Variants in MEGF10 observed in about 807,000 individuals in gnomAD.
MEGF10 encodes multiple EGF like domains 10.
MEGF10 carries 86 observed loss-of-function variants against 147.5 expected under a neutral mutation model. The ratio of observed to expected loss-of-function variants is 0.58; its 90% CI spans 0.49 to 0.70. The LOEUF is 0.70. Ranked by LOEUF, MEGF10 falls within the 30% of genes least tolerant of loss-of-function variation. The pLI is 0.00. For synonymous variants in MEGF10, 478 were observed against 525.5 expected (o/e 0.91, Z 1.24); for missense variants, 1,329 against 1,487.3 (o/e 0.89, Z 1.75).
chr5:127,413,394 T>C (rs1764645320), intron 9 of MEGF10, among the ~76,000 whole-genome samples: 1 of 152,172 alleles, frequency 6.6e-6, no homozygotes, highest in African/African-American at 2.4e-5. Flanking sequence ...AATCCGGATG[T>C]GCCTATTTGC....
At chr5:127,247,995 G>T in the MEGF10 span, among the ~76,000 whole-genome samples, 1 of 152,108 alleles carries the variant, frequency 6.6e-6, no homozygotes, top group Non-Finnish European at 1.5e-5. Context: ...AGTAGAAGCT[G>T]CAAAGGAGCT....
chr5:127,422,735 T>A lies in MEGF10; in HGVS notation c.1656T>A (p.Pro552=), dbSNP rs1765063225. The part of the protein sequence containing the change: ...CDCSHADGCH[P]TTGHCRCLPG... ...GCAGCCACGCAGATGGCTGCCACCC[T>A]ACCACGGGCCATTGCCGCTGCCTCC... The change falls in exon 13 of 25, where the codon CCT becomes CCA. Residue 552 remains proline (P), a synonymous_variant. Transcript: ENST00000503335. 1 of 1,613,930 alleles carries A rather than the reference T, an allele frequency of 6.2e-7. No individual in the cohort carries two copies. The highest frequency in any genetic ancestry group is 1.3e-5 in the African/African-American group (1 of 74,886).
chr5:127,415,876 G>A lies in MEGF10; in HGVS notation c.1131-1762G>A, dbSNP rs554896712. ...CGTGCCACTGCACTCCAGCCTGGGCGACAGAGAAAGACTCCATCTCAAAAA... is the reference window on the plus strand; with the variant it reads ...CGTGCCACTGCACTCCAGCCTGGGCAACAGAGAAAGACTCCATCTCAAAAA... On this transcript the variant is annotated intron_variant, in intron 9 of 24. Coordinates refer to ENST00000503335, the MANE Select transcript of MEGF10 (RefSeq NM_001256545.2). 2.5e-3 allele frequency among the ~76,000 whole-genome samples: 311 copies of A among 123,492 alleles called. 4 individuals are homozygous for A. Among genetic ancestry groups the A allele is most frequent in the African/African-American group, 8.9e-3 (294 of 33,130 alleles). The allele number at this position is 123,492 out of a possible 152,430, so 81.0% of individuals were successfully genotyped here.
At chr5:127,387,164 G>T (rs977397284) in intron 5 of MEGF10, among the ~76,000 whole-genome samples, 2 of 152,188 alleles carry the variant, frequency 1.3e-5, no homozygotes, top group Non-Finnish European at 2.9e-5. Flanking sequence ...GTTGGTTGCT[G>T]ATAGAGTCCT....
Position 127,422,696 on chromosome 5 carries a change from T to C in MEGF10, c.1617T>C (p.Ala539=), listed in dbSNP as rs746266240. ...CQDGTYGLNC[A]ERCDCSHADG... Reference sequence around the variant, plus strand: ...ATGGCACGTACGGGCTGAACTGTGCTGAGCGCTGCGACTGCAGCCACGCAG... The same window carrying C: ...ATGGCACGTACGGGCTGAACTGTGCCGAGCGCTGCGACTGCAGCCACGCAG... The change falls in exon 13 of 25, where the codon GCT becomes GCC. Residue 539 remains alanine, a synonymous_variant. Coordinates refer to ENST00000503335, the MANE Select transcript of MEGF10 (RefSeq NM_001256545.2). The C allele has an allele frequency of 6.2e-7, 1 of 1,614,104 alleles. No individual in the cohort carries two copies. The highest frequency in any genetic ancestry group is 8.5e-7 in the Non-Finnish European group (1 of 1,179,996).
At chr5:127,238,862 C>CACA in the MEGF10 span, among the ~76,000 whole-genome samples, 1,380 of 152,104 alleles carry the variant, frequency 9.1e-3, 30 homozygotes, top group African/African-American at 0.032. Flanking sequence ...TTTTGCAGTC[C>CACA]TTGTCTGGTT....
intron 5 of MEGF10, among the ~76,000 whole-genome samples, chr5:127,385,912 C>T (rs1392221485): frequency 6.6e-6 from 1 of 152,182 alleles, no homozygotes; most frequent in Non-Finnish European, 1.5e-5. Flanking sequence ...CAAGACCAGC[C>T]TGGGCATCGT....
chr5:127,304,925 A>G (rs926087548), intron 1 of MEGF10, among the ~76,000 whole-genome samples: 13 of 152,214 alleles, frequency 8.5e-5, no homozygotes, highest in African/African-American at 3.1e-4. Flanking sequence ...CTCCAGAACC[A>G]TAAGAAATAA....
At chr5:127,419,791 T>G (rs1317967010) in intron 11 of MEGF10, among the ~76,000 whole-genome samples, 1 of 152,234 alleles carries the variant, frequency 6.6e-6, no homozygotes, top group Non-Finnish European at 1.5e-5. Context: ...ATATCTCTTT[T>G]TCAGTAGCCC....
chr5:127,426,044 G>T (rs1392069629), intron 13 of MEGF10, among the ~76,000 whole-genome samples: 4 of 152,218 alleles, frequency 2.6e-5, no homozygotes, highest in African/African-American at 9.6e-5. Context: ...GACACTGTGG[G>T]GAGAGGCTGA....
chr5:127,427,244 C>T (rs1234886395), intron 13 of MEGF10, among the ~76,000 whole-genome samples: 1 of 152,108 alleles, frequency 6.6e-6, no homozygotes, highest in African/African-American at 2.4e-5. Flanking sequence ...TCATATTACT[C>T]TAGTTATTGA....
At chr5:127,362,506 G>A (rs1456763582) in intron 4 of MEGF10, among the ~76,000 whole-genome samples, 1 of 151,874 alleles carries the variant, frequency 6.6e-6, no homozygotes, top group Admixed American at 6.6e-5. Flanking sequence ...TGGGACTACA[G>A]GCGCCTGCCA....
the MEGF10 span, among the ~76,000 whole-genome samples, chr5:127,247,989 G>A: frequency 6.6e-6 from 1 of 152,108 alleles, no homozygotes; most frequent in African/African-American, 2.4e-5. Context: ...CTGAAAAGTA[G>A]AAGCTGCAAA....
At chr5:127,415,557 A>G (rs1318460303) in intron 9 of MEGF10, among the ~76,000 whole-genome samples, 1 of 152,164 alleles carries the variant, frequency 6.6e-6, no homozygotes, top group Admixed American at 6.6e-5. Context: ...TTCAAAATAT[A>G]TTTTGGAGTT....
At chr5:127,256,899 G>T in the MEGF10 span, among the ~76,000 whole-genome samples, 1 of 152,142 alleles carries the variant, frequency 6.6e-6, no homozygotes, top group African/African-American at 2.4e-5. Context: ...GCCCTGGGGA[G>T]AATCACAGGA....
At chr5:127,449,688 T>C (rs1474242483) in intron 22 of MEGF10, among the ~76,000 whole-genome samples, 1 of 152,166 alleles carries the variant, frequency 6.6e-6, no homozygotes, top group Non-Finnish European at 1.5e-5. Flanking sequence ...TTGTTCTCTT[T>C]TGATATAGGG....
At chr5:127,321,092 T>C (rs1035710820) in intron 1 of MEGF10, among the ~76,000 whole-genome samples, 1 of 152,208 alleles carries the variant, frequency 6.6e-6, no homozygotes, top group Non-Finnish European at 1.5e-5. Context: ...TGAGACTGTT[T>C]TACCTGATGG....
At chr5:127,422,376 C>A (rs974792096) in intron 12 of MEGF10, among the ~76,000 whole-genome samples, 1 of 151,868 alleles carries the variant, frequency 6.6e-6, no homozygotes, top group Admixed American at 6.6e-5. Flanking sequence ...CAAAAATTAG[C>A]CTGGCAAGGT....
In MEGF10 at chr5:127,447,666, C is replaced by A. The variant is rs1028478763; in HGVS notation, c.2838C>A (p.Asp946Glu). Residue 946 changes from aspartate (D) to glutamate (E), a missense_variant, in exon 21 of 25, where the codon GAC becomes GAA. Physicochemically the swap from Asp to Glu is conservative, Grantham distance 45 (BLOSUM62 2). Transcript: ENST00000503335. ...CATCCCCTCACGTCAACAACAGGGA[C>A]AGGATGACTGTCACGAAGGTGAGAG... ...CATSPHVNNRDRMTVTKSKNN... is the reference protein window; with the variant it reads ...CATSPHVNNRERMTVTKSKNN... 1.9e-5 allele frequency: 30 copies of A among 1,613,978 alleles called. No homozygotes were observed. The highest frequency in any genetic ancestry group is 2.4e-5 in the Non-Finnish European group (28 of 1,179,994).
Sources: gnomAD v4.1 joint callset for allele counts (sites outside exome capture counted in the v4.1 genomes callset) on GRCh38, gnomAD v4.1.1 for gene constraint, MANE v1.5 for transcripts, NCBI Gene and HGNC (gene_info 2026-07-23, HGNC 2026-07-21) for gene names.